Variants in TRA2A observed in about 807,000 individuals in gnomAD.
TRA2A encodes the protein transformer 2 alpha homolog.
TRA2A carries 31 observed loss-of-function variants against 45.7 expected under a neutral mutation model. That is an observed-to-expected ratio of 0.68 (90% confidence interval 0.51 to 0.92). TRA2A has a LOEUF of 0.92. Among genes scored for constraint, TRA2A ranks in the 40% least tolerant of loss-of-function variants. The pLI is 0.00. For synonymous variants in TRA2A, 132 were observed against 126.2 expected, an observed-to-expected ratio of 1.05 and a Z score of -0.31; for missense variants, 304 against 367.5, an observed-to-expected ratio of 0.83 and a Z score of 1.41.
intron 2 of TRA2A, among the ~76,000 whole-genome samples, chr7:23,519,788 A>G (rs1454626685): frequency 6.6e-6 from 1 of 152,206 alleles, no homozygotes; most frequent in Non-Finnish European, 1.5e-5. Flanking sequence ...ACAATAGGTG[A>G]ACAATAACGC....
intron 1 of TRA2A, 24 bp downstream of exon 1, chr7:23,531,765 C>G (rs1290757289): frequency 6.2e-7 from 1 of 1,612,662 alleles, no homozygotes; most frequent in Non-Finnish European, 8.5e-7. Flanking sequence ...GCCGCCTAGA[C>G]GGCTCCCGCG....
chr7:23,506,454 CAAG>C, intron 5 of TRA2A, 188 bp from the exon 6 acceptor site: 1 of 552,230 alleles, frequency 1.8e-6, no homozygotes, highest in Non-Finnish European at 2.9e-6. Flanking sequence ...CATACATAAT[CAAG>C]AAGGGCTTCA....
intron 4 of TRA2A, among the ~76,000 whole-genome samples, chr7:23,511,316 A>AGCTGAGATC (rs1789592242): frequency 7.4e-6 from 1 of 135,840 alleles, no homozygotes; most frequent in Non-Finnish European, 1.5e-5. Context: ...GCTTGCAGTG[A>AGCTGAGATC]GCTGAGATCG....
intron 4 of TRA2A, among the ~76,000 whole-genome samples, chr7:23,511,787 G>C (rs1206742966): frequency 6.6e-6 from 1 of 152,108 alleles, no homozygotes. Context: ...ACTATTTCAA[G>C]TCATTGACAT....
At chr7:23,521,352 A>G (rs922925513) in intron 2 of TRA2A, among the ~76,000 whole-genome samples, 1 of 152,250 alleles carries the variant, frequency 6.6e-6, no homozygotes, top group Non-Finnish European at 1.5e-5. Flanking sequence ...ATCAAATGCC[A>G]AACACATTTA....
intron 3 of TRA2A, among the ~76,000 whole-genome samples, chr7:23,514,936 G>A (rs1005766748): frequency 2.5e-4 from 38 of 152,228 alleles, no homozygotes; most frequent in African/African-American, 8.2e-4. Flanking sequence ...TTTAGAGCCC[G>A]GCTGCCTGGT....
At chr7:23,530,864 T>C (rs1041208012) in intron 1 of TRA2A, among the ~76,000 whole-genome samples, 2 of 152,222 alleles carry the variant, frequency 1.3e-5, no homozygotes, top group African/African-American at 4.8e-5. Context: ...TTAAAAATAC[T>C]GAGCCAATGA....
chr7:23,531,723 G>T, intron 1 of TRA2A, 66 bp downstream of exon 1: 1 of 1,588,180 alleles, frequency 6.3e-7, no homozygotes, highest in Non-Finnish European at 8.6e-7. Flanking sequence ...GCCCGACCGC[G>T]CTTGTTCCCG....
intron 3 of TRA2A, among the ~76,000 whole-genome samples, chr7:23,515,434 GTCTCGA>G (rs1225993025): frequency 2.6e-5 from 4 of 151,482 alleles, no homozygotes; most frequent in African/African-American, 9.7e-5. Flanking sequence ...TTTCACCGTG[GTCTCGA>G]TCTCCTGACC....
chr7:23,529,036 A>G (rs1482655524), intron 1 of TRA2A, among the ~76,000 whole-genome samples: 1 of 152,242 alleles, frequency 6.6e-6, no homozygotes, highest in Non-Finnish European at 1.5e-5. Context: ...ACATTTTTAT[A>G]AAGTACAGTT....
At chr7:23,529,868 T>TTTA (rs1790499127) in intron 1 of TRA2A, among the ~76,000 whole-genome samples, 1 of 151,308 alleles carries the variant, frequency 6.6e-6, no homozygotes. Flanking sequence ...TTTTTTTTTT[T>TTTA]GAGACGGGAG....
intron 4 of TRA2A, among the ~76,000 whole-genome samples, chr7:23,512,009 A>T (rs886314473): frequency 6.6e-5 from 10 of 152,246 alleles, no homozygotes; most frequent in African/African-American, 2.4e-4. Context: ...ATCTGTTTGG[A>T]GCATCATTAT....
intron 5 of TRA2A, chr7:23,507,128 G>GT (rs36001500): frequency 0.37 from 117,217 of 318,032 alleles, 23,238 homozygotes; most frequent in African/African-American, 0.56. Flanking sequence ...CCCTACTTAT[G>GT]TTTTTTTTCT....
chr7:23,512,417 G>A (rs1789664680), intron 4 of TRA2A, among the ~76,000 whole-genome samples: 2 of 152,154 alleles, frequency 1.3e-5, no homozygotes, highest in African/African-American at 2.4e-5. Context: ...CCAGGAGGTC[G>A]AGGCTGCACT....
At position 23,512,994 on chromosome 7, in the gene TRA2A, T is replaced by C; in HGVS notation, c.425A>G (p.Tyr142Cys). The stretch of plus-strand genomic sequence containing the variant: ...CACATTGACACCACTCAATGGTCCA[T>C]ATCGAGAAAATACTTCACGAAGATC... ...ERDLREVFSR[Y>C]GPLSGVNVVY... The change falls in exon 4 of 8, where the codon TAT becomes TGT. Residue 142 changes from tyrosine (Y) to cysteine (C), a missense_variant. Transcript: ENST00000297071. 1 of 1,614,070 alleles carries C rather than the reference T, an allele frequency of 6.2e-7. No individual in the cohort carries two copies. The highest frequency in any genetic ancestry group is 8.5e-7 in the Non-Finnish European group (1 of 1,179,994).
At chr7:23,508,104 G>A (rs1789425357) in intron 4 of TRA2A, among the ~76,000 whole-genome samples, 1 of 152,048 alleles carries the variant, frequency 6.6e-6, no homozygotes, top group African/African-American at 2.4e-5. Flanking sequence ...AAGACTCAGT[G>A]AGCAGCCAAG....
At chr7:23,517,476 T>C (rs1216896861) in intron 2 of TRA2A, among the ~76,000 whole-genome samples, 1 of 4,464 alleles carries the variant, frequency 2.2e-4, no homozygotes, top group Non-Finnish European at 3.9e-4. Flanking sequence ...AGACTACGTC[T>C]CAAAAAAAAA....
chr7:23,519,296 A>G (rs1455996772), intron 2 of TRA2A, among the ~76,000 whole-genome samples: 2 of 152,150 alleles, frequency 1.3e-5, no homozygotes, highest in Non-Finnish European at 2.9e-5. Flanking sequence ...CGGGAGGCTG[A>G]GGCAAGAGAA....
At chr7:23,511,370 C>CAAAAAAAAAAAA (rs567187750) in intron 4 of TRA2A, among the ~76,000 whole-genome samples, 12 of 40,110 alleles carry the variant, frequency 3.0e-4, no homozygotes, top group Non-Finnish European at 4.2e-4. Flanking sequence ...GACTCCATCT[C>CAAAAAAAAAAAA]AAAAAAAAAA....
Sources: allele counts gnomAD v4.1 joint callset (sites outside exome capture counted in the v4.1 genomes callset), GRCh38; gene constraint gnomAD v4.1.1; transcripts MANE v1.5; gene names NCBI Gene and HGNC (gene_info 2026-07-23, HGNC 2026-07-21).